Variants in ZZEF1 observed in about 807,000 individuals in gnomAD.
ZZEF1 encodes the protein zinc finger ZZ-type and EF-hand domain containing 1, also known as zinc finger ZZ-type and EF-hand domain-containing protein 1.
ZZEF1 carries 157 observed loss-of-function variants against 342.8 expected under a neutral mutation model. The observed-to-expected ratio is 0.46, with a 90% CI of 0.40 to 0.52. ZZEF1 has a LOEUF of 0.52. Among genes scored for constraint, ZZEF1 ranks in the 20% least tolerant of loss-of-function variants. The probability of loss-of-function intolerance (pLI) is 0.00; values close to 1 mark genes in which losing one functional copy is unlikely to be tolerated. For synonymous variants in ZZEF1, 1,505 were observed against 1,429.1 expected (o/e 1.05, Z -1.20); for missense variants, 3,480 against 3,725.6 (o/e 0.93, Z 1.72).
chr17:4,053,881 T>C (rs1365404676), intron 34 of ZZEF1, among the ~76,000 whole-genome samples, 176 bp downstream of exon 34: 1 of 152,252 alleles, frequency 6.6e-6, no homozygotes, highest in Non-Finnish European at 1.5e-5. Flanking sequence ...ATATTAGGGC[T>C]GTGGAGCTTT....
At chr17:4,079,622 A>G (rs1249989605) in intron 18 of ZZEF1, among the ~76,000 whole-genome samples, 2 of 152,224 alleles carry the variant, frequency 1.3e-5, no homozygotes, top group Non-Finnish European at 2.9e-5. Context: ...GTTGAGGCTT[A>G]TAAAGTCAAC....
At chr17:4,125,899 T>A (rs1342090001) in intron 1 of ZZEF1, among the ~76,000 whole-genome samples, 1 of 152,168 alleles carries the variant, frequency 6.6e-6, no homozygotes, top group East Asian at 1.9e-4. Context: ...ATGCTCATGA[T>A]AAAAGTGGAC....
intron 9 of ZZEF1, among the ~76,000 whole-genome samples, chr17:4,101,263 A>T (rs546220693): frequency 1.1e-4 from 16 of 152,262 alleles, no homozygotes; most frequent in African/African-American, 3.9e-4. Flanking sequence ...CGGGACAGAG[A>T]AGAGGCAACC....
intron 42 of ZZEF1, among the ~76,000 whole-genome samples, chr17:4,026,520 T>TTCC (rs1486570508): frequency 4.0e-5 from 6 of 151,826 alleles, no homozygotes; most frequent in Admixed American, 3.3e-4. Context: ...ATCTTTTTTT[T>TTCC]TTCTTTTTTT....
At chr17:4,067,292 T>C in intron 26 of ZZEF1, 50 bp from the exon 27 acceptor site, 7 of 1,457,170 alleles carry the variant, frequency 4.8e-6, no homozygotes, top group Non-Finnish European at 6.6e-6. Context: ...CACAATTCAC[T>C]ACTGCAACAT....
At chr17:4,123,813 T>G in intron 2 of ZZEF1, 94 bp downstream of exon 2, 1 of 1,424,250 alleles carries the variant, frequency 7.0e-7, no homozygotes, top group Non-Finnish European at 9.5e-7. Flanking sequence ...GTTGGGGGAG[T>G]TTACTGCATG....
intron 1 of ZZEF1, among the ~76,000 whole-genome samples, chr17:4,127,725 G>A (rs1433144785): frequency 6.6e-6 from 1 of 152,180 alleles, no homozygotes; most frequent in African/African-American, 2.4e-5. Context: ...TAGGGACACT[G>A]ATGTTTACTT....
chr17:4,067,884 A>G (rs544992350), intron 26 of ZZEF1, among the ~76,000 whole-genome samples: 23 of 152,152 alleles, frequency 1.5e-4, no homozygotes, highest in African/African-American at 5.3e-4. Flanking sequence ...CTCGAGACCA[A>G]CCTAGGCAAC....
At chr17:4,137,371 G>A (rs545904154) in intron 1 of ZZEF1, among the ~76,000 whole-genome samples, 5 of 152,296 alleles carry the variant, frequency 3.3e-5, no homozygotes, top group Non-Finnish European at 7.3e-5. Flanking sequence ...AGCACTTTGG[G>A]AGGCCGAGGT....
Position 4,044,587 on chromosome 17 carries a change from C to T in ZZEF1, c.6016-213G>A, listed in dbSNP as rs191932690. 5.7e-4 allele frequency among the ~76,000 whole-genome samples: 86 copies of T among 151,260 alleles called. 1 individual carries two copies. The highest frequency in any genetic ancestry group is 1.6e-4 in the Non-Finnish European group (11 of 67,794). On this transcript the variant is annotated intron_variant, in intron 37 of 54. Coordinates refer to ENST00000381638, the MANE Select transcript of ZZEF1 (RefSeq NM_015113.4). ...AGGCTAGAGTGCAGTGGTGTGATCT[C>T]GGCTCACTGCAACCTCCACCTCCCA...
At chr17:4,112,074 ATATATATATATATATATATG>A (rs2058317867) in intron 5 of ZZEF1, among the ~76,000 whole-genome samples, 2 of 46,130 alleles carry the variant, frequency 4.3e-5, no homozygotes, top group East Asian at 6.2e-4. Context: ...ATATATATAT[ATATATATATATATATATATG>A]TTTTGTTTTG....
At chr17:4,030,624 T>A (rs1884465077) in intron 42 of ZZEF1, among the ~76,000 whole-genome samples, 2 of 152,160 alleles carry the variant, frequency 1.3e-5, no homozygotes, top group South Asian at 4.1e-4. Flanking sequence ...CACATCAGCC[T>A]CCCAGGTAGC....
At chr17:4,086,333 GA>G (rs1262888776) in intron 15 of ZZEF1, among the ~76,000 whole-genome samples, 152 bp downstream of exon 15, 1 of 135,962 alleles carries the variant, frequency 7.4e-6, no homozygotes, top group African/African-American at 3.2e-5. Flanking sequence ...CTTTCTGGGG[GA>G]TTCCCACAGC....
rs529061746 is a variant in ZZEF1, at chr17:4,067,983, T to C, written c.4076-741A>G. Among the ~76,000 whole-genome samples, 4 of 152,106 alleles carry C rather than the reference T, an allele frequency of 2.6e-5. No individual in the cohort carries two copies. The South Asian group carries it at 8.3e-4, about 32-fold the overall frequency. ...GTCCTAGCTACTAGGGAGGCTGAGG[T>C]AGGAAGATCACTTGAGACCAGGAAT... On this transcript the variant is annotated intron_variant, in intron 26 of 54. Coordinates refer to ENST00000381638, the MANE Select transcript of ZZEF1 (RefSeq NM_015113.4).
At chr17:4,013,138 C>A (rs1048498097) in intron 52 of ZZEF1, among the ~76,000 whole-genome samples, 1 of 148,328 alleles carries the variant, frequency 6.7e-6, no homozygotes, top group Non-Finnish European at 1.5e-5. Context: ...CCGAATGGAA[C>A]AAAACTGACT....
rs1370343137 is a variant in ZZEF1 at position 4,075,444 on chromosome 17, G to A, written c.3235-15C>T. 1 of 1,611,590 alleles carries A rather than the reference G, an allele frequency of 6.2e-7. No homozygotes were observed. Among genetic ancestry groups the A allele is most frequent in the Non-Finnish European group, 8.5e-7 (1 of 1,178,712 alleles). ...TCAACATCCAGCTATGATAACAAAT[G>A]AGCCAGGGGAAAGAAAGGTTCTATC... On this transcript the variant is annotated splice_polypyrimidine_tract_variant and intron_variant, in intron 21 of 54. Transcript: ENST00000381638.
chr17:4,142,739 G>A lies in ZZEF1; in HGVS notation c.157C>T (p.Pro53Ser), dbSNP rs2058886087. 2 of 1,516,576 alleles carry A rather than the reference G, an allele frequency of 1.3e-6. No homozygotes were observed. The highest frequency in any genetic ancestry group is 1.8e-6 in the Non-Finnish European group (2 of 1,137,458). The allele number at this position is 1,516,576 out of a possible 1,614,324, so 93.9% of individuals were successfully genotyped here. ...GCAGCAGCCTCTCGCAGCCTGGCCG[G>A]CTCCAGCAGCGCCGCGGCGGGTGGT... ...ALPPAAALLE[P>S]ARLREAAAAL... The change falls in exon 1 of 55, where the codon CCG (proline) becomes TCG (serine). Residue 53 changes from proline (P) to serine (S), a missense_variant. Coordinates refer to ENST00000381638, the MANE Select transcript of ZZEF1 (RefSeq NM_015113.4).
At position 4,090,807 on chromosome 17, in the gene ZZEF1, A is replaced by G. The variant is rs145169488; in HGVS notation, c.1937T>C (p.Leu646Pro). 1.4e-5 allele frequency: 22 copies of G among 1,614,004 alleles called. No homozygotes were observed. In the African/African-American group the frequency reaches 2.3e-4, roughly 17 times the overall value. Reference sequence around the variant, plus strand: ...CCAGCCAATAGGATCATCCTCTCCAAGGTCATCAGATGAGCAACCAATCCT... The same window carrying G: ...CCAGCCAATAGGATCATCCTCTCCAGGGTCATCAGATGAGCAACCAATCCT... The part of the protein sequence containing the change: ...KSRIGCSSDD[L>P]GEDDPIGWFE... Residue 646 changes from leucine to proline, a missense_variant, in exon 12 of 55, where the codon CTT becomes CCT. Around this residue, in one of 5 missense-constraint regions of ZZEF1, gnomAD observed 1,528 missense variants for 1,624.1 expected, o/e 0.94. Coordinates refer to ENST00000381638, the MANE Select transcript of ZZEF1 (RefSeq NM_015113.4).
intron 27 of ZZEF1, 141 bp downstream of exon 27, chr17:4,067,022 A>T (rs772437594): frequency 1.1e-5 from 7 of 652,988 alleles, no homozygotes; most frequent in Non-Finnish European, 1.8e-5. Flanking sequence ...AAATTGTTTT[A>T]TATCTATTCA....
Sources: gnomAD v4.1 joint callset for allele counts (sites outside exome capture counted in the v4.1 genomes callset) on GRCh38, gnomAD v4.1.1 for gene constraint, gnomAD v4.1.1 regional missense constraint, MANE v1.5 for transcripts, NCBI Gene and HGNC (gene_info 2026-07-23, HGNC 2026-07-21) for gene names.